SH3RF2: variants seen among roughly 807,000 people sequenced by gnomAD.
SH3RF2 encodes the protein E3 ubiquitin-protein ligase SH3RF2.
SH3RF2 carries 43 observed loss-of-function variants against 59.0 expected under a neutral mutation model. That is an observed-to-expected ratio of 0.73 (90% CI 0.57 to 0.94). The LOEUF (loss-of-function observed/expected upper bound fraction) is 0.94, where lower values mean the gene tolerates loss of function less well. Among genes scored for constraint, SH3RF2 ranks in the 40% least tolerant of loss-of-function variants. SH3RF2 has a pLI of 0.00. For synonymous variants in SH3RF2, 391 were observed against 391.5 expected (o/e 1.00, Z 0.01); for missense variants, 930 against 940.1 (o/e 0.99, Z 0.14).
intron 8 of SH3RF2, among the ~76,000 whole-genome samples, chr5:146,057,089 A>G (rs1156359175): frequency 1.3e-5 from 2 of 152,210 alleles, no homozygotes; most frequent in Non-Finnish European, 2.9e-5. Flanking sequence ...CCCTGAATTA[A>G]ACTAAGCTCT....
chr5:146,067,309 C>T (rs1763130114), downstream of SH3RF2, among the ~76,000 whole-genome samples: 1 of 152,198 alleles, frequency 6.6e-6, no homozygotes, highest in Non-Finnish European at 1.5e-5. Context: ...GGATCAGGGT[C>T]AAGGCGGCTT....
intron 5 of SH3RF2, among the ~76,000 whole-genome samples, chr5:146,022,832 G>A (rs60709233): frequency 0.024 from 3,659 of 150,644 alleles, 161 homozygotes; most frequent in African/African-American, 0.086. Flanking sequence ...AGATCTTGCC[G>A]GTGCACTGCA....
At chr5:146,056,573 G>T (rs1450973577) in intron 8 of SH3RF2, among the ~76,000 whole-genome samples, 1 of 152,190 alleles carries the variant, frequency 6.6e-6, no homozygotes, top group Non-Finnish European at 1.5e-5. Context: ...CTCAGCGGGT[G>T]CCACAGGAGA....
chr5:146,006,581 G>A (rs1760655771), intron 4 of SH3RF2, among the ~76,000 whole-genome samples: 1 of 152,106 alleles, frequency 6.6e-6, no homozygotes, highest in African/African-American at 2.4e-5. Context: ...TGCATGATGA[G>A]GAAATGTGGT....
rs1458245860 is a variant in SH3RF2, at chr5:145,936,686, A to T, written c.-115A>T. The T allele has an allele frequency of 4.6e-5, 7 of 152,322 alleles. No individual in the cohort carries two copies. The highest frequency in any genetic ancestry group is 4.6e-4 in the Admixed American group (7 of 15,282). The allele number at this position is 152,322 out of a possible 1,614,324, so 9.4% of individuals were successfully genotyped here. A position where few individuals can be genotyped will look rare whatever the true frequency, so the allele number is the denominator to read the frequency against. On this transcript the variant is annotated 5_prime_UTR_variant, in exon 1 of 10. The change abolishes an upstream ATG in the 5' untranslated region. Coordinates refer to ENST00000359120, the MANE Select transcript of SH3RF2 (RefSeq NM_152550.4). ...CTGAGCTGAACTCAGCAGAAGTTACATGCACAAGGTTAGTGGCCCCCACAC... is the reference window on the plus strand; with the variant it reads ...CTGAGCTGAACTCAGCAGAAGTTACTTGCACAAGGTTAGTGGCCCCCACAC...
rs774262685 is a variant in SH3RF2, at chr5:145,938,135, C to G, written c.207C>G (p.Leu69=). 6 of 1,614,102 alleles carry G rather than the reference C, an allele frequency of 3.7e-6. No individual in the cohort carries two copies. Among genetic ancestry groups the G allele is most frequent in the Non-Finnish European group, 5.1e-6 (6 of 1,180,044 alleles). ...AGGCGCTGCCGGCCAACCTGCTGCTCGTGCGCCTTCTGGATGGAGTGCGCT... is the reference window on the plus strand; with the variant it reads ...AGGCGCTGCCGGCCAACCTGCTGCTGGTGCGCCTTCTGGATGGAGTGCGCT... ...NIEALPANLL[L]VRLLDGVRSG... The change falls in exon 2 of 10, where the codon CTC becomes CTG. Residue 69 remains leucine, a synonymous_variant. Transcript: ENST00000359120.
Position 146,050,439 on chromosome 5 carries a change from C to T in SH3RF2, c.1322+1194C>T, listed in dbSNP as rs368623269. 2.3e-4 allele frequency among the ~76,000 whole-genome samples: 35 copies of T among 152,222 alleles called. No individual in the cohort carries two copies. The East Asian group carries it at 4.6e-3, about 20-fold the overall frequency. ...TGCAGGCAAAGTCGGCCTGAGTCCT[C>T]ATAGATCTAAAGTTGTATAAAAAGA... is the stretch of plus-strand genomic sequence containing the variant. On this transcript the variant is annotated intron_variant, in intron 7 of 9. Coordinates refer to ENST00000359120, the MANE Select transcript of SH3RF2 (RefSeq NM_152550.4).
At chr5:146,074,574 A>C (rs971782575) in intron 9 of SH3RF2, among the ~76,000 whole-genome samples, 2 of 135,994 alleles carry the variant, frequency 1.5e-5, no homozygotes, top group African/African-American at 5.2e-5. Context: ...GCAAACTGAC[A>C]TCTAAAAAAA....
intron 9 of SH3RF2, among the ~76,000 whole-genome samples, chr5:146,077,135 T>C (rs1763354086): frequency 6.6e-6 from 1 of 152,176 alleles, no homozygotes; most frequent in African/African-American, 2.4e-5. Context: ...CCAAGAGCCA[T>C]GCAACAAAGT....
At chr5:145,955,027 C>T (rs1339864730) in intron 2 of SH3RF2, among the ~76,000 whole-genome samples, 1 of 152,094 alleles carries the variant, frequency 6.6e-6, no homozygotes. Flanking sequence ...CATAAGAAAT[C>T]CACCCCCATG....
intron 2 of SH3RF2, 49 bp from the exon 3 acceptor site, chr5:146,000,009 C>T: frequency 3.2e-6 from 5 of 1,586,788 alleles, no homozygotes; most frequent in African/African-American, 1.4e-5. Flanking sequence ...TCTTCTGTTC[C>T]TCTAGACTCT....
chr5:145,938,646 G>A (rs1757694721), intron 2 of SH3RF2, among the ~76,000 whole-genome samples: 1 of 152,008 alleles, frequency 6.6e-6, no homozygotes, highest in South Asian at 2.1e-4. Context: ...ATGCACGGAG[G>A]GTGGGGAGAA....
chr5:145,946,246 T>G (rs1758001290), intron 2 of SH3RF2, among the ~76,000 whole-genome samples: 1 of 152,148 alleles, frequency 6.6e-6, no homozygotes, highest in South Asian at 2.1e-4. Context: ...ACTCCAGGAC[T>G]CAAATAGTAG....
intron 5 of SH3RF2, among the ~76,000 whole-genome samples, chr5:146,037,362 T>C (rs1024961043): frequency 1.2e-4 from 18 of 152,182 alleles, no homozygotes; most frequent in Non-Finnish European, 2.2e-4. Flanking sequence ...CGTGGCTGCA[T>C]AGTGCCTCAA....
At position 145,937,986 on chromosome 5, in the gene SH3RF2, G is replaced by T; in HGVS notation, c.58G>T (p.Asp20Tyr). 6.2e-7 allele frequency: 1 copy of T among 1,614,178 alleles called. No homozygotes were observed. Among genetic ancestry groups the T allele is most frequent in the South Asian group, 1.1e-5 (1 of 91,084 alleles). ...GTGCCCTGTGTGCTTTGAGAAGCTCGATGTCACAGCCAAAGTCCTCCCTTG... is the reference window on the plus strand; with the variant it reads ...GTGCCCTGTGTGCTTTGAGAAGCTCTATGTCACAGCCAAAGTCCTCCCTTG... Reference protein sequence around the residue: ...LECPVCFEKLDVTAKVLPCQH... With the variant: ...LECPVCFEKLYVTAKVLPCQH... The change falls in exon 2 of 10, where the codon GAT (aspartate) becomes TAT (tyrosine). Residue 20 changes from aspartate (D) to tyrosine (Y), a missense_variant. Physicochemically the swap from Asp to Tyr is radical, Grantham distance 160. Coordinates refer to ENST00000359120, the MANE Select transcript of SH3RF2 (RefSeq NM_152550.4).
chr5:145,964,947 C>G (rs1758802335), intron 2 of SH3RF2, among the ~76,000 whole-genome samples: 1 of 152,244 alleles, frequency 6.6e-6, no homozygotes, highest in African/African-American at 2.4e-5. Flanking sequence ...AATCTCAGCA[C>G]TTTGGGAGGC....
At position 145,987,144 on chromosome 5, in the gene SH3RF2, A is replaced by G. The variant is rs547654047; in HGVS notation, c.379-12914A>G. 1.6e-4 allele frequency among the ~76,000 whole-genome samples: 25 copies of G among 152,298 alleles called. No homozygotes were observed. In the East Asian group the frequency reaches 4.4e-3, roughly 27 times the overall value. The stretch of plus-strand genomic sequence containing the variant: ...ACTGAGGGGAGAGAAAGAGAGAGAC[A>G]CTTGCTAATATAGTCCAGGAATGAG... On this transcript the variant is annotated intron_variant, in intron 2 of 9. Transcript: ENST00000359120.
At chr5:145,994,046 A>G (rs1222090792) in intron 2 of SH3RF2, among the ~76,000 whole-genome samples, 2 of 152,138 alleles carry the variant, frequency 1.3e-5, no homozygotes, top group East Asian at 3.8e-4. Flanking sequence ...AATTTCTTCC[A>G]CCAGATACGC....
At chr5:145,971,959 C>A (rs1759101109) in intron 2 of SH3RF2, among the ~76,000 whole-genome samples, 1 of 152,056 alleles carries the variant, frequency 6.6e-6, no homozygotes, top group South Asian at 2.1e-4. Flanking sequence ...GTACATGGAC[C>A]ATTTCATTTA....
Sources: allele counts gnomAD v4.1 joint callset (sites outside exome capture counted in the v4.1 genomes callset), GRCh38; gene constraint gnomAD v4.1.1; transcripts MANE v1.5; gene names NCBI Gene and HGNC (gene_info 2026-07-23, HGNC 2026-07-21).